CRYM: variants seen among roughly 807,000 people sequenced by gnomAD.
CRYM encodes ketimine reductase mu-crystallin.
In CRYM, 18 loss-of-function variants were observed where a neutral mutation model predicts 32.9. That is an observed-to-expected ratio of 0.55 (90% CI 0.38 to 0.81). The LOEUF is 0.81. Ranked by LOEUF, CRYM falls within the 30% of genes least tolerant of loss-of-function variation. CRYM has a pLI of 0.00. For missense variants in CRYM, 337 were observed against 393.5 expected (o/e 0.86, Z 1.21); for synonymous variants, 153 against 152.4 (o/e 1.00, Z -0.03).
In CRYM at chr16:21,278,053, T is replaced by A. The variant is rs1024212872; in HGVS notation, c.170+29A>T. 2.6e-6 allele frequency: 4 copies of A among 1,532,512 alleles called. No homozygotes were observed. The East Asian group carries it at 9.8e-5, about 38-fold the overall frequency. The allele number at this position is 1,532,512 out of a possible 1,614,324, so 94.9% of individuals were successfully genotyped here. Reference sequence around the variant, plus strand: ...CCTTTCCCCGCTTTCCAGTTTCTCCTGCCCCTGACCCCGACCCTCCTCACT... The same window carrying A: ...CCTTTCCCCGCTTTCCAGTTTCTCCAGCCCCTGACCCCGACCCTCCTCACT... On this transcript the variant is annotated intron_variant, in intron 1 of 7. Transcript: ENST00000572914.
At chr16:21,263,469 C>T (rs1365322997) in intron 5 of CRYM, among the ~76,000 whole-genome samples, 1 of 152,148 alleles carries the variant, frequency 6.6e-6, no homozygotes, top group Non-Finnish European at 1.5e-5. Flanking sequence ...CCCGCCTCAG[C>T]CTCCCAAACT....
chr16:21,273,371 A>G (rs2093380053), intron 3 of CRYM, among the ~76,000 whole-genome samples: 1 of 152,204 alleles, frequency 6.6e-6, no homozygotes, highest in South Asian at 2.1e-4. Context: ...CCTGGAAATA[A>G]AGCTGTGAAG....
chr16:21,299,350 C>T (rs192850828), intron 1 of CRYM, among the ~76,000 whole-genome samples: 16 of 151,978 alleles, frequency 1.1e-4, no homozygotes, highest in Non-Finnish European at 2.2e-4. Context: ...ACTCTGTCAC[C>T]CAGGTTGGAG....
chr16:21,283,426 C>T (rs752193091), intron 1 of CRYM: 1 of 152,032 alleles, frequency 6.6e-6, no homozygotes, highest in Non-Finnish European at 1.5e-5. Context: ...CAGCTCCTCA[C>T]GAAATTTTAT....
rs1178554260 is a variant in CRYM at position 21,277,592 on chromosome 16, G to A, written c.171-8C>T. 2.5e-6 allele frequency: 4 copies of A among 1,613,524 alleles called. No homozygotes were observed. Among genetic ancestry groups the A allele is most frequent in the Non-Finnish European group, 3.4e-6 (4 of 1,179,978 alleles). On this transcript the variant is annotated splice_region_variant and splice_polypyrimidine_tract_variant and intron_variant, in intron 1 of 7. Coordinates refer to ENST00000572914, the MANE Select transcript of CRYM (RefSeq NM_001376256.1). The surrounding 1 kb of genome is among the most constrained non-coding windows in gnomAD (Gnocchi z 4.2). ...GGCATGACCCCCAGGTAGCTACAAG[G>A]AGAGAGGGAGCAGCTTCAGCCCCTT...
At chr16:21,291,584 CTG>C (rs1428839063) in intron 1 of CRYM, among the ~76,000 whole-genome samples, 1 of 152,112 alleles carries the variant, frequency 6.6e-6, no homozygotes. Flanking sequence ...GAAAGAATCT[CTG>C]TGATTAGTAT....
chr16:21,278,788 C>G (rs1019254918), upstream of CRYM: 31 of 156,410 alleles, frequency 2.0e-4, no homozygotes, highest in East Asian at 1.1e-3. Flanking sequence ...CTTCCTCCCC[C>G]CTGTACCCCC....
chr16:21,287,130 A>C (rs1264563025), intron 1 of CRYM, among the ~76,000 whole-genome samples: 2 of 152,322 alleles, frequency 1.3e-5, no homozygotes, highest in Admixed American at 1.3e-4. Context: ...TAGAATTTGA[A>C]ATTTGATTTT....
chr16:21,259,448 A>G (rs1040822714), intron 7 of CRYM, among the ~76,000 whole-genome samples: 1 of 152,102 alleles, frequency 6.6e-6, no homozygotes, highest in Non-Finnish European at 1.5e-5. Context: ...TAAATCCTTT[A>G]GGCTTTGTGG....
chr16:21,283,768 C>G (rs1250308961), intron 1 of CRYM: 1 of 152,338 alleles, frequency 6.6e-6, no homozygotes, highest in Admixed American at 6.6e-5. Flanking sequence ...CGGCTCCCCA[C>G]ACTCCCACCC....
chr16:21,258,810 T>C lies in CRYM; in HGVS notation c.916A>G (p.Ile306Val), dbSNP rs1184938651. 3.1e-6 allele frequency: 5 copies of C among 1,613,678 alleles called. No homozygotes were observed. The highest frequency in any genetic ancestry group is 4.2e-6 in the Non-Finnish European group (5 of 1,179,690). ...TTACCAGATGACCAGGAATCATAGA[T>C]GAGTTTGGCTGCAACTGTGTCTTCC... ...AVEDTVAAKL[I>V]YDSWSSGK Residue 306 changes from isoleucine (I) to valine (V), a missense_variant, in exon 8 of 8, where the codon ATC (isoleucine) becomes GTC (valine). Transcript: ENST00000572914.
At chr16:21,278,012 TC>T (rs1266748756) in intron 1 of CRYM, 69 bp downstream of exon 1, 2 of 1,432,190 alleles carry the variant, frequency 1.4e-6, no homozygotes, top group African/African-American at 2.8e-5. Context: ...CTCCCACCCC[TC>T]CTCTTCCTGC....
intron 1 of CRYM, among the ~76,000 whole-genome samples, chr16:21,287,937 A>G (rs752811187): frequency 3.3e-5 from 5 of 152,256 alleles, no homozygotes; most frequent in Non-Finnish European, 5.9e-5. Flanking sequence ...GCAGAAGTGC[A>G]GGTACCCTGT....
intron 5 of CRYM, among the ~76,000 whole-genome samples, chr16:21,266,346 T>A (rs2093363602): frequency 6.6e-6 from 1 of 152,160 alleles, no homozygotes; most frequent in South Asian, 2.1e-4. Context: ...CATAAGTTGG[T>A]TATAAGTATT....
At chr16:21,290,843 A>T (rs996001034) in intron 1 of CRYM, among the ~76,000 whole-genome samples, 5 of 152,092 alleles carry the variant, frequency 3.3e-5, no homozygotes, top group African/African-American at 1.2e-4. Context: ...CCTAGGCTAC[A>T]TTTCCTATCA....
At chr16:21,295,330 A>C (rs775511322) in intron 1 of CRYM, among the ~76,000 whole-genome samples, 6 of 152,224 alleles carry the variant, frequency 3.9e-5, no homozygotes, top group Non-Finnish European at 8.8e-5. Flanking sequence ...CCTTGCCAGC[A>C]TCTGTGGTTT....
In CRYM at chr16:21,261,216, G is replaced by C. The variant is rs149727600; in HGVS notation, c.880+38C>G. ...ACCAATGGGTGAACCTGCCTTGTGC[G>C]CTAGTTGGATTTGTGCCCAGGGAGC... On this transcript the variant is annotated intron_variant, in intron 7 of 7. Transcript: ENST00000572914. 10 of 1,505,570 alleles carry C rather than the reference G, an allele frequency of 6.6e-6. No homozygotes were observed. In the East Asian group the frequency reaches 2.3e-4, roughly 34 times the overall value. The allele number at this position is 1,505,570 out of a possible 1,614,324, so 93.3% of individuals were successfully genotyped here.
intron 4 of CRYM, among the ~76,000 whole-genome samples, chr16:21,269,454 G>A (rs1034169470): frequency 1.3e-5 from 2 of 152,074 alleles, no homozygotes; most frequent in Admixed American, 6.6e-5. Flanking sequence ...TAAAAACTCT[G>A]GATTCTCCTA....
intron 1 of CRYM, among the ~76,000 whole-genome samples, chr16:21,298,269 G>T (rs1259984772): frequency 4.6e-5 from 7 of 152,218 alleles, no homozygotes; most frequent in Non-Finnish European, 1.0e-4. Context: ...AAAAAGCAAT[G>T]ACCCAAAAAT....
Sources: allele counts gnomAD v4.1 joint callset (sites outside exome capture counted in the v4.1 genomes callset), GRCh38; gene constraint gnomAD v4.1.1; non-coding constraint Gnocchi (gnomAD v3.1); transcripts MANE v1.5; gene names NCBI Gene and HGNC (gene_info 2026-07-23, HGNC 2026-07-21).